The following LTBP1 variants were observed in gnomAD, a reference collection of about 807,000 sequenced individuals.
LTBP1 encodes latent transforming growth factor beta binding protein 1.
LTBP1 carries 129 observed loss-of-function variants against 207.6 expected under a neutral mutation model. That is an observed-to-expected ratio of 0.62 (90% CI 0.54 to 0.72). LTBP1 has a LOEUF of 0.72. Among genes scored for constraint, LTBP1 ranks in the 30% least tolerant of loss-of-function variants. The probability of loss-of-function intolerance (pLI) is 0.00; values close to 1 mark genes in which losing one functional copy is unlikely to be tolerated. For synonymous variants in LTBP1, 963 were observed against 833.7 expected, an observed-to-expected ratio of 1.16 and a Z score of -2.67; for missense variants, 2,281 against 2,217.2, an observed-to-expected ratio of 1.03 and a Z score of -0.58.
chr2:33,318,819 A>G (rs2094311164), intron 24 of LTBP1, among the ~76,000 whole-genome samples: 2 of 152,230 alleles, frequency 1.3e-5, no homozygotes, highest in African/African-American at 4.8e-5. Flanking sequence ...GTTTAGCAAA[A>G]AATCATAATT....
intron 22 of LTBP1, among the ~76,000 whole-genome samples, chr2:33,302,213 C>A (rs1056847486): frequency 2.4e-4 from 36 of 152,152 alleles, no homozygotes; most frequent in Admixed American, 2.4e-3. Flanking sequence ...CAGTGGGCTT[C>A]TTTTTCACTT....
intron 24 of LTBP1, among the ~76,000 whole-genome samples, chr2:33,316,182 G>T (rs1573796722): frequency 6.6e-6 from 1 of 151,980 alleles, no homozygotes; most frequent in African/African-American, 2.4e-5. Context: ...TGTTCTTGAT[G>T]ATAATTTACC....
intron 25 of LTBP1, among the ~76,000 whole-genome samples, chr2:33,345,935 A>G (rs913681118): frequency 1.3e-5 from 2 of 152,234 alleles, no homozygotes; most frequent in African/African-American, 2.4e-5. Context: ...GCAGGAGGAA[A>G]GAGGGTAAAA....
intron 23 of LTBP1, among the ~76,000 whole-genome samples, chr2:33,312,352 G>A (rs189123347): frequency 5.3e-5 from 8 of 152,274 alleles, no homozygotes; most frequent in South Asian, 4.1e-4. Context: ...AGTTGGAAGC[G>A]TGTTTAAGAT....
At chr2:32,955,516 A>G (rs1161023465) in intron 2 of LTBP1, among the ~76,000 whole-genome samples, 2 of 152,150 alleles carry the variant, frequency 1.3e-5, no homozygotes, top group Non-Finnish European at 2.9e-5. Context: ...AAAGTTATAT[A>G]CATGTATATT....
intron 2 of LTBP1, among the ~76,000 whole-genome samples, chr2:32,991,133 A>G (rs975753172): frequency 3.9e-5 from 6 of 152,250 alleles, no homozygotes; most frequent in Admixed American, 3.3e-4. Context: ...TTTGCTTTTT[A>G]TCTCATATAA....
At chr2:33,090,358 T>C (rs1029387725) in intron 3 of LTBP1, among the ~76,000 whole-genome samples, 1 of 152,188 alleles carries the variant, frequency 6.6e-6, no homozygotes, top group Non-Finnish European at 1.5e-5. Flanking sequence ...GGTGGACTGA[T>C]ATTCTCATAA....
intron 22 of LTBP1, among the ~76,000 whole-genome samples, chr2:33,304,725 C>T (rs1254556196): frequency 6.6e-6 from 1 of 152,188 alleles, no homozygotes; most frequent in Non-Finnish European, 1.5e-5. Context: ...TAAGGTTGCT[C>T]CCTGCAGTCC....
intron 30 of LTBP1, among the ~76,000 whole-genome samples, chr2:33,364,844 C>A (rs540847301): frequency 6.6e-6 from 1 of 152,158 alleles, no homozygotes; most frequent in Non-Finnish European, 1.5e-5. Flanking sequence ...ATCTGTCATT[C>A]GCCTCAGGAG....
rs566658027 is a variant in LTBP1, at chr2:33,318,140, C to T, written c.3730+2871C>T. ...TGTACACATTCCAAAATTACCACCACCCCCCAAAAAAAATCCCAAATCTGA... is the reference window on the plus strand; with the variant it reads ...TGTACACATTCCAAAATTACCACCATCCCCCAAAAAAAATCCCAAATCTGA... On this transcript the variant is annotated intron_variant, in intron 24 of 33. Transcript: ENST00000404816. 4.6e-5 allele frequency among the ~76,000 whole-genome samples: 7 copies of T among 152,132 alleles called. 1 individual carries two copies. The highest frequency in any genetic ancestry group is 1.7e-4 in the African/African-American group (7 of 41,510).
At chr2:33,189,823 C>G (rs886542464) in intron 7 of LTBP1, among the ~76,000 whole-genome samples, 7 of 151,968 alleles carry the variant, frequency 4.6e-5, no homozygotes, top group African/African-American at 1.7e-4. Context: ...GTCAGGAGTT[C>G]GAGACCAGCC....
At chr2:33,176,094 A>G (rs1386110465) in intron 5 of LTBP1, among the ~76,000 whole-genome samples, 1 of 151,866 alleles carries the variant, frequency 6.6e-6, no homozygotes, top group African/African-American at 2.4e-5. Context: ...AGCATGGCAC[A>G]TGTATACATA....
chr2:33,022,265 C>CTTTTTTTTT (rs3047211), intron 3 of LTBP1, among the ~76,000 whole-genome samples: 4 of 125,216 alleles, frequency 3.2e-5, no homozygotes, highest in Admixed American at 8.6e-5. Context: ...CCTCAATCCT[C>CTTTTTTTTT]TTTTTTTTTT....
intron 19 of LTBP1, among the ~76,000 whole-genome samples, chr2:33,288,754 C>A (rs1297505627): frequency 6.6e-6 from 1 of 151,294 alleles, no homozygotes; most frequent in Non-Finnish European, 1.5e-5. Context: ...ACTCAGGAGG[C>A]TGAGGCAGGA....
At chr2:33,142,923 C>G in intron 5 of LTBP1, among the ~76,000 whole-genome samples, 1 of 152,220 alleles carries the variant, frequency 6.6e-6, no homozygotes. Flanking sequence ...CTTTCCTAGG[C>G]TGTCGGCTTG....
chr2:33,255,976 G>A (rs565771883), intron 11 of LTBP1, among the ~76,000 whole-genome samples: 80 of 152,106 alleles, frequency 5.3e-4, no homozygotes, highest in African/African-American at 1.8e-3. Context: ...TCCTCTGAAG[G>A]CCACACACTG....
intron 2 of LTBP1, 51 bp downstream of exon 2, chr2:32,948,996 G>A (rs1200749882): frequency 2.5e-6 from 4 of 1,581,650 alleles, no homozygotes; most frequent in Non-Finnish European, 3.5e-6. Context: ...AGTGGGGGGA[G>A]GTGTCCACAT....
chr2:33,099,592 CT>C (rs1237570397), intron 3 of LTBP1, among the ~76,000 whole-genome samples: 1 of 152,134 alleles, frequency 6.6e-6, no homozygotes, highest in Non-Finnish European at 1.5e-5. Flanking sequence ...GAGACTGAGA[CT>C]TAGAGGAATT....
chr2:33,398,637 G>C lies in LTBP1; in HGVS notation c.*92G>C, dbSNP rs558210254. On this transcript the variant is annotated 3_prime_UTR_variant, in exon 34 of 34. Transcript: ENST00000404816. Reference sequence around the variant, plus strand: ...ATACTTGAGACATTGCACCTACCCCGGAAGGCTGGAAATACAGAAACAGCA... The same window carrying C: ...ATACTTGAGACATTGCACCTACCCCCGAAGGCTGGAAATACAGAAACAGCA... The C allele has an allele frequency of 1.6e-6, 2 of 1,248,434 alleles. No homozygotes were observed. Among genetic ancestry groups the C allele is most frequent in the South Asian group, 3.3e-5 (2 of 60,236 alleles). 77.3% of individuals were successfully genotyped at this position (1,248,434 alleles called of 1,614,324 possible).
Sources: gnomAD v4.1 joint callset for allele counts (sites outside exome capture counted in the v4.1 genomes callset) on GRCh38, gnomAD v4.1.1 for gene constraint, MANE v1.5 for transcripts, NCBI Gene and HGNC (gene_info 2026-07-23, HGNC 2026-07-21) for gene names.